ZNF451: variants seen among roughly 807,000 people sequenced by gnomAD.
ZNF451 encodes the protein zinc finger protein 451.
ZNF451 carries 80 observed loss-of-function variants against 107.1 expected under a neutral mutation model. That is an observed-to-expected ratio of 0.75 (90% CI 0.62 to 0.90). ZNF451 has a LOEUF of 0.90. Ranked by LOEUF, ZNF451 falls within the 40% of genes least tolerant of loss-of-function variation. ZNF451 has a pLI of 0.00. For synonymous variants in ZNF451, 362 were observed against 406.5 expected (o/e 0.89, Z 1.32); for missense variants, 1,107 against 1,236.2 (o/e 0.90, Z 1.57).
At chr6:57,157,631 A>T (rs1410146214) in intron 13 of ZNF451, among the ~76,000 whole-genome samples, 1 of 152,200 alleles carries the variant, frequency 6.6e-6, no homozygotes, top group East Asian at 1.9e-4. Flanking sequence ...TATTAACTTT[A>T]ATTTCTGCCC....
chr6:57,095,326 CTT>C lies in ZNF451; in HGVS notation c.106-3713_106-3712del, dbSNP rs764972958. 3.7e-3 allele frequency among the ~76,000 whole-genome samples: 398 copies of C among 107,756 alleles called. 2 individuals carry two copies. The highest frequency in any genetic ancestry group is 5.3e-3 in the Non-Finnish European group (275 of 52,210). 70.7% of individuals were successfully genotyped at this position (107,756 alleles called of 152,430 possible). A position where few individuals can be genotyped will look rare whatever the true frequency, so the allele number is the denominator to read the frequency against. ...TCTCAATTTTGGATTTTCTGTGATA[CTT>C]TTTTTTTTTTTTTTTTTTTTTAAAG... On this transcript the variant is annotated intron_variant, in intron 2 of 14. Coordinates refer to ENST00000370706, the MANE Select transcript of ZNF451 (RefSeq NM_001031623.3).
At position 57,169,819 on chromosome 6, in the gene ZNF451, G is replaced by A. The variant is rs990772216; in HGVS notation, c.*1350G>A. On this transcript the variant is annotated 3_prime_UTR_variant, in exon 15 of 15. Transcript: ENST00000370706. ...CCGAAATGACCACATTGTGCTTTTAGTTTGTATGTTTAAGTGGTCAAGCAA... is the reference window on the plus strand; with the variant it reads ...CCGAAATGACCACATTGTGCTTTTAATTTGTATGTTTAAGTGGTCAAGCAA... 6.6e-6 allele frequency: 1 copy of A among 152,170 alleles called. No homozygotes were observed. Among genetic ancestry groups the A allele is most frequent in the Non-Finnish European group, 1.5e-5 (1 of 68,036 alleles). The allele number at this position is 152,170 out of a possible 1,614,324, so 9.4% of individuals were successfully genotyped here. A position where few individuals can be genotyped will look rare whatever the true frequency, so the allele number is the denominator to read the frequency against.
chr6:57,129,059 G>A (rs148512565), intron 5 of ZNF451, among the ~76,000 whole-genome samples: 25 of 152,140 alleles, frequency 1.6e-4, no homozygotes, highest in African/African-American at 4.6e-4. Context: ...AATATAGGTC[G>A]TACCTGAGCT....
At chr6:57,101,294 A>T in intron 3 of ZNF451, 2 of 1,550,844 alleles carry the variant, frequency 1.3e-6, no homozygotes. Context: ...GTGACTTCTA[A>T]AAAACGTTTG....
intron 9 of ZNF451, among the ~76,000 whole-genome samples, chr6:57,142,391 A>G (rs1478758979): frequency 6.6e-6 from 1 of 152,226 alleles, no homozygotes; most frequent in African/African-American, 2.4e-5. Flanking sequence ...CTTGGCTTTA[A>G]GTCAACCAGA....
intron 14 of ZNF451, among the ~76,000 whole-genome samples, chr6:57,162,417 T>G (rs541489622): frequency 1.3e-5 from 2 of 152,330 alleles, no homozygotes; most frequent in African/African-American, 4.8e-5. Context: ...TCTTTCTGCC[T>G]TATAGCCAAA....
In ZNF451 at chr6:57,148,172, T is replaced by G; in HGVS notation, c.2087T>G (p.Phe696Cys). The G allele has an allele frequency of 1.9e-6, 3 of 1,614,072 alleles. No homozygotes were observed. Among genetic ancestry groups the G allele is most frequent in the Non-Finnish European group, 2.5e-6 (3 of 1,179,980 alleles). ...YEEHHSIDYV[F>C]VSEKTETSIK... The stretch of plus-strand genomic sequence containing the variant: ...GAGCACCACAGCATAGATTATGTAT[T>G]TGTGTCAGAAAAAACTGAAACTTCA... Residue 696 changes from phenylalanine (F) to cysteine (C), a missense_variant, in exon 10 of 15, where the codon TTT becomes TGT. By Grantham distance (205) the Phe-to-Cys change is radical. Around this residue, in one of 5 missense-constraint regions of ZNF451, gnomAD observed 608 missense variants for 649.2 expected, o/e 0.94. Coordinates refer to ENST00000370706, the MANE Select transcript of ZNF451 (RefSeq NM_001031623.3).
intron 3 of ZNF451, chr6:57,124,314 C>G: frequency 3.0e-6 from 2 of 664,484 alleles, no homozygotes; most frequent in South Asian, 1.7e-5. Flanking sequence ...CTCTCAGGCT[C>G]GTCCACGCTA....
intron 3 of ZNF451, chr6:57,105,245 T>C (rs1291431316): frequency 1.8e-5 from 18 of 985,272 alleles, no homozygotes; most frequent in Non-Finnish European, 2.0e-5. Context: ...AATGATCTGG[T>C]ATTCTCAAAA....
intron 14 of ZNF451, among the ~76,000 whole-genome samples, chr6:57,167,072 A>T (rs544589702): frequency 6.6e-6 from 1 of 152,174 alleles, no homozygotes; most frequent in Non-Finnish European, 1.5e-5. Flanking sequence ...CTTTATAAGG[A>T]TGTGAAAGCA....
At chr6:57,093,158 C>G (rs920828090) in intron 2 of ZNF451, 1 of 152,098 alleles carries the variant, frequency 6.6e-6, no homozygotes, top group African/African-American at 2.4e-5. Context: ...TTCTAAAAAA[C>G]TAATAGCTGA....
chr6:57,101,631 C>T, intron 3 of ZNF451: 2 of 1,550,750 alleles, frequency 1.3e-6, no homozygotes, highest in Non-Finnish European at 1.7e-6. Flanking sequence ...TCTGGGAAGA[C>T]ATGGAAGATC....
intron 9 of ZNF451, among the ~76,000 whole-genome samples, chr6:57,142,843 C>T (rs1475356227): frequency 6.6e-6 from 1 of 152,128 alleles, no homozygotes; most frequent in Non-Finnish European, 1.5e-5. Flanking sequence ...ACTCTTCACC[C>T]TTGCTAACAT....
At chr6:57,129,442 C>T (rs1266815996) in intron 5 of ZNF451, among the ~76,000 whole-genome samples, 1 of 152,098 alleles carries the variant, frequency 6.6e-6, no homozygotes, top group East Asian at 1.9e-4. Flanking sequence ...CCTGTCTTGT[C>T]TTGAAGAATA....
At chr6:57,094,529 T>C (rs1317574805) in intron 2 of ZNF451, among the ~76,000 whole-genome samples, 1 of 152,202 alleles carries the variant, frequency 6.6e-6, no homozygotes, top group Non-Finnish European at 1.5e-5. Flanking sequence ...GATGGTTTAC[T>C]AGTTGATGGA....
intron 5 of ZNF451, 53 bp downstream of exon 5, chr6:57,128,893 C>G: frequency 7.6e-7 from 1 of 1,323,214 alleles, no homozygotes; most frequent in Non-Finnish European, 1.1e-6. Context: ...AGCCTTAAGG[C>G]AGAAAGTACG....
intron 14 of ZNF451, among the ~76,000 whole-genome samples, chr6:57,167,628 G>C (rs1312286741): frequency 4.5e-4 from 68 of 152,276 alleles, no homozygotes; most frequent in Admixed American, 4.3e-3. Context: ...GATCACTGGT[G>C]CCTGTAGCCA....
At chr6:57,102,372 G>T in intron 3 of ZNF451, 1 of 1,099,734 alleles carries the variant, frequency 9.1e-7, no homozygotes, top group African/African-American at 1.6e-5. Context: ...GTGTGGAGGA[G>T]GACCACTCAG....
chr6:57,133,972 G>A lies in ZNF451; in HGVS notation c.576-772G>A, dbSNP rs143141211. On this transcript the variant is annotated intron_variant, in intron 6 of 14. Coordinates refer to ENST00000370706, the MANE Select transcript of ZNF451 (RefSeq NM_001031623.3). Reference sequence around the variant, plus strand: ...ATTACAGGCGTGAGCCACCGCGCTCGGCCAGTTTACTGAATTTTTGAATAG... The same window carrying A: ...ATTACAGGCGTGAGCCACCGCGCTCAGCCAGTTTACTGAATTTTTGAATAG... Among the ~76,000 whole-genome samples, 658 of 152,266 alleles carry A rather than the reference G, an allele frequency of 4.3e-3. 2 individuals are homozygous for A. Among genetic ancestry groups the A allele is most frequent in the Non-Finnish European group, 7.4e-3 (503 of 68,008 alleles).
Sources: gnomAD v4.1 joint callset for allele counts (sites outside exome capture counted in the v4.1 genomes callset) on GRCh38, gnomAD v4.1.1 for gene constraint, gnomAD v4.1.1 regional missense constraint, MANE v1.5 for transcripts, NCBI Gene and HGNC (gene_info 2026-07-23, HGNC 2026-07-21) for gene names.